The following SAMHD1 variants were observed in gnomAD, a reference collection of about 807,000 sequenced individuals.
SAMHD1 encodes the protein SAM and HD domain containing deoxynucleoside triphosphate triphosphohydrolase 1, also known as deoxynucleoside triphosphate triphosphohydrolase SAMHD1.
SAMHD1 carries 54 observed loss-of-function variants against 79.6 expected under a neutral mutation model. The observed-to-expected ratio is 0.68, with a 90% CI of 0.55 to 0.85. SAMHD1 has a LOEUF of 0.85. Ranked by LOEUF, SAMHD1 falls within the 40% of genes least tolerant of loss-of-function variation. The pLI is 0.00. For missense variants in SAMHD1, 663 were observed against 782.7 expected, an observed-to-expected ratio of 0.85 and a Z score of 1.82; for synonymous variants, 260 against 264.1, an observed-to-expected ratio of 0.98 and a Z score of 0.15.
chr20:36,919,692 C>A (rs1166490308), intron 6 of SAMHD1, among the ~76,000 whole-genome samples, 173 bp from the exon 7 acceptor site: 3 of 152,096 alleles, frequency 2.0e-5, no homozygotes, highest in African/African-American at 7.2e-5. Context: ...TCAGATTTTT[C>A]ATTTTACTAG....
At chr20:36,900,788 G>A (rs897295897) in intron 13 of SAMHD1, among the ~76,000 whole-genome samples, 2 of 147,180 alleles carry the variant, frequency 1.4e-5, no homozygotes, top group Non-Finnish European at 3.0e-5. Context: ...TGGCCAGGAT[G>A]GTCTCGATCT....
At chr20:36,943,843 G>A (rs1296453519) in intron 2 of SAMHD1, among the ~76,000 whole-genome samples, 1 of 152,082 alleles carries the variant, frequency 6.6e-6, no homozygotes, top group African/African-American at 2.4e-5. Flanking sequence ...ACTTTGGGAG[G>A]CTGAGGCAGG....
intron 5 of SAMHD1, among the ~76,000 whole-genome samples, chr20:36,928,688 A>G (rs1046502748): frequency 7.0e-6 from 1 of 142,796 alleles, no homozygotes; most frequent in South Asian, 2.2e-4. Flanking sequence ...CTGTCTCGGG[A>G]AAAAAAAAAA....
intron 13 of SAMHD1, among the ~76,000 whole-genome samples, chr20:36,901,912 A>T (rs1378939381): frequency 6.6e-6 from 1 of 152,196 alleles, no homozygotes; most frequent in African/African-American, 2.4e-5. Flanking sequence ...ACTTCTCTAG[A>T]ACACAAGTAG....
intron 15 of SAMHD1, among the ~76,000 whole-genome samples, chr20:36,896,179 A>G (rs1033926356): frequency 1.3e-5 from 2 of 151,764 alleles, no homozygotes; most frequent in Non-Finnish European, 2.9e-5. Flanking sequence ...TCACAGTATT[A>G]GCCAGGATAG....
intron 6 of SAMHD1, among the ~76,000 whole-genome samples, chr20:36,923,150 G>A (rs1317300455): frequency 3.9e-5 from 6 of 151,918 alleles, no homozygotes; most frequent in African/African-American, 9.7e-5. Context: ...ACAGGTGCCT[G>A]CCACCACACC....
intron 1 of SAMHD1, 74 bp downstream of exon 1, chr20:36,951,362 C>A (rs771773939): frequency 5.5e-5 from 88 of 1,596,514 alleles, no homozygotes; most frequent in Non-Finnish European, 7.2e-5. Context: ...TCTCGTGGGG[C>A]CCCCTCCCTC....
At chr20:36,899,685 C>T (rs1406977182) in intron 13 of SAMHD1, among the ~76,000 whole-genome samples, 3 of 152,092 alleles carry the variant, frequency 2.0e-5, no homozygotes, top group African/African-American at 4.8e-5. Context: ...GCAGAGGAAA[C>T]AGCTCAGAGG....
intron 2 of SAMHD1, among the ~76,000 whole-genome samples, chr20:36,941,963 T>G (rs977469474): frequency 6.6e-5 from 10 of 152,196 alleles, no homozygotes; most frequent in African/African-American, 1.9e-4. Flanking sequence ...ACAAGCACAG[T>G]GTAAAGCCAG....
At chr20:36,945,627 T>C (rs1039848708) in intron 2 of SAMHD1, among the ~76,000 whole-genome samples, 7 of 152,190 alleles carry the variant, frequency 4.6e-5, no homozygotes, top group Admixed American at 2.0e-4. Context: ...ATGCCTGTAA[T>C]CTCAGCACTT....
intron 15 of SAMHD1, chr20:36,893,941 A>T (rs1372120492): frequency 2.5e-6 from 1 of 398,458 alleles, no homozygotes; most frequent in Non-Finnish European, 4.4e-6. Context: ...TGGAGGTGAG[A>T]AGAGGGCAGA....
At chr20:36,942,794 C>G (rs2063655902) in intron 2 of SAMHD1, among the ~76,000 whole-genome samples, 1 of 151,918 alleles carries the variant, frequency 6.6e-6, no homozygotes, top group Admixed American at 6.6e-5. Flanking sequence ...CTACAGCCGC[C>G]CGCCACCATG....
rs1227158535 is a variant in SAMHD1, at chr20:36,891,917, GC to G, written c.*1014del. The G allele has an allele frequency of 6.6e-6, 1 of 152,426 alleles. No individual in the cohort carries two copies. Among genetic ancestry groups the G allele is most frequent in the Admixed American group, 6.5e-5 (1 of 15,280 alleles). 9.4% of individuals were successfully genotyped at this position (152,426 alleles called of 1,614,324 possible). On this transcript the variant is annotated 3_prime_UTR_variant, in exon 16 of 16. Transcript: ENST00000646673. The stretch of plus-strand genomic sequence containing the variant: ...AAAAACAAAGTCCCAGGTCTGAGGA[GC>G]TCTGAGGATGATGCCTGTGATGGCC...
intron 13 of SAMHD1, among the ~76,000 whole-genome samples, chr20:36,899,329 G>A (rs567592743): frequency 6.6e-6 from 1 of 151,858 alleles, no homozygotes; most frequent in Non-Finnish European, 1.5e-5. Context: ...TCGGGAGGCT[G>A]AGGCACAAGA....
chr20:36,931,176 A>T, intron 4 of SAMHD1: 1 of 391,910 alleles, frequency 2.6e-6, no homozygotes, highest in African/African-American at 2.1e-5. Flanking sequence ...CAAGTGTTGG[A>T]CATGATGTGA....
In SAMHD1 at chr20:36,898,587, G is replaced by C. The variant is rs201043873; in HGVS notation, c.1504-43C>G. The C allele has an allele frequency of 4.8e-6, 7 of 1,444,550 alleles. No individual in the cohort carries two copies. In the African/African-American group the frequency reaches 7.0e-5, roughly 14 times the overall value. The allele number at this position is 1,444,550 out of a possible 1,614,324, so 89.5% of individuals were successfully genotyped here. ...ACAAGTAATCATATAGCAAGCAGGA[G>C]AACTGAACTCAGGGCTGTAGGAGCA... On this transcript the variant is annotated intron_variant, in intron 13 of 15. Coordinates refer to ENST00000646673, the MANE Select transcript of SAMHD1 (RefSeq NM_015474.4).
chr20:36,948,103 G>C (rs1028686253), intron 1 of SAMHD1, among the ~76,000 whole-genome samples: 1 of 151,992 alleles, frequency 6.6e-6, no homozygotes, highest in Non-Finnish European at 1.5e-5. Flanking sequence ...TTACATCTTT[G>C]GACCTCGCAT....
At chr20:36,910,773 G>A (rs965092341) in intron 11 of SAMHD1, among the ~76,000 whole-genome samples, 1 of 151,530 alleles carries the variant, frequency 6.6e-6, no homozygotes, top group East Asian at 1.9e-4. Flanking sequence ...GAGTACTTAC[G>A]TATCAAGTCT....
intron 9 of SAMHD1, among the ~76,000 whole-genome samples, chr20:36,914,536 A>T (rs1159524041): frequency 2.0e-5 from 3 of 151,808 alleles, no homozygotes; most frequent in African/African-American, 7.3e-5. Context: ...TTTTGAGTAG[A>T]GACGGAGTTT....
Sources: allele counts gnomAD v4.1 joint callset (sites outside exome capture counted in the v4.1 genomes callset), GRCh38; gene constraint gnomAD v4.1.1; transcripts MANE v1.5; gene names NCBI Gene and HGNC (gene_info 2026-07-23, HGNC 2026-07-21).